PCDHGA7: variants seen among roughly 807,000 people sequenced by gnomAD.
PCDHGA7 encodes the protein protocadherin gamma-A7.
PCDHGA7 carries 44 observed loss-of-function variants against 58.3 expected under a neutral mutation model. The ratio of observed to expected loss-of-function variants is 0.75; its 90% CI spans 0.59 to 0.97. The LOEUF (loss-of-function observed/expected upper bound fraction) is 0.97, where lower values mean the gene tolerates loss of function less well. PCDHGA7 is among the 50% of genes least tolerant of loss of function. The pLI is 0.00. For synonymous variants in PCDHGA7, 516 were observed against 504.2 expected (o/e 1.02, Z -0.31); for missense variants, 1,266 against 1,188.7 (o/e 1.06, Z -0.96).
intron 1 of PCDHGA7, chr5:141,392,651 C>G (rs1228467133): frequency 1.4e-6 from 1 of 708,830 alleles, no homozygotes; most frequent in Non-Finnish European, 2.2e-6. Flanking sequence ...CGAAGACCCG[C>G]AGATGCCACA....
intron 1 of PCDHGA7, among the ~76,000 whole-genome samples, chr5:141,467,372 T>C (rs1006663543): frequency 2.0e-5 from 3 of 152,072 alleles, no homozygotes; most frequent in African/African-American, 7.2e-5. Flanking sequence ...TTTTCTTATA[T>C]TGCATTTAGG....
intron 1 of PCDHGA7, among the ~76,000 whole-genome samples, chr5:141,463,135 C>T (rs1352400365): frequency 6.6e-6 from 1 of 152,246 alleles, no homozygotes; most frequent in Middle Eastern, 3.4e-3. Context: ...GGCAGTTCTT[C>T]GCCCAGCTGC....
In PCDHGA7 at chr5:141,408,872, G is replaced by T. The variant is rs752537671; in HGVS notation, c.2424+23549G>T. 3.1e-6 allele frequency: 5 copies of T among 1,613,448 alleles called. No individual in the cohort carries two copies. The highest frequency in any genetic ancestry group is 4.2e-6 in the Non-Finnish European group (5 of 1,179,760). Reference sequence around the variant, plus strand: ...GGACGGAGGGGACCCACCAAGAAGTGCCACCGCTCACATAGAAATTTCTGT... The same window carrying T: ...GGACGGAGGGGACCCACCAAGAAGTTCCACCGCTCACATAGAAATTTCTGT... On this transcript the variant is annotated intron_variant, in intron 1 of 3. Transcript: ENST00000518325.
At chr5:141,433,123 C>A in intron 1 of PCDHGA7, 1 of 1,614,116 alleles carries the variant, frequency 6.2e-7, no homozygotes, top group Non-Finnish European at 8.5e-7. Context: ...TTGAAAAAAG[C>A]GAGCCCCTTT....
intron 1 of PCDHGA7, chr5:141,394,938 G>C: frequency 6.2e-7 from 1 of 1,613,780 alleles, no homozygotes; most frequent in Admixed American, 1.7e-5. Context: ...CGCCTTTGTC[G>C]CTGTGCTTCT....
chr5:141,384,265 T>G lies in PCDHGA7; in HGVS notation c.1366T>G (p.Ser456Ala). 1 of 1,613,814 alleles carries G rather than the reference T, an allele frequency of 6.2e-7. No homozygotes were observed. Among genetic ancestry groups the G allele is most frequent in the Non-Finnish European group, 8.5e-7 (1 of 1,179,858 alleles). The change falls in exon 1 of 4, where the codon TCC becomes GCC. Residue 456 changes from serine to alanine, a missense_variant. Transcript: ENST00000518325. ...NDNPPTFPHS[S>A]YSVYIAENNP... ...TAACCCACCCACCTTCCCCCACTCATCCTACTCAGTCTACATCGCTGAGAA... is the reference window on the plus strand; with the variant it reads ...TAACCCACCCACCTTCCCCCACTCAGCCTACTCAGTCTACATCGCTGAGAA...
In PCDHGA7 at chr5:141,511,036, G is replaced by T; in HGVS notation, c.2662G>T (p.Val888Leu). The T allele has an allele frequency of 1.2e-6, 2 of 1,614,200 alleles. No homozygotes were observed. The highest frequency in any genetic ancestry group is 1.7e-6 in the Non-Finnish European group (2 of 1,180,024). Residue 888 changes from valine to leucine, a missense_variant, in exon 4 of 4, where the codon GTG (valine) becomes TTG (leucine). Transcript: ENST00000518325. ...RYGPQFTLQHVPDYRQNVYIP... is the reference protein window; with the variant it reads ...RYGPQFTLQHLPDYRQNVYIP... Reference sequence around the variant, plus strand: ...CGGACCCCAGTTCACCCTGCAGCACGTGCCCGACTACCGCCAGAATGTCTA... The same window carrying T: ...CGGACCCCAGTTCACCCTGCAGCACTTGCCCGACTACCGCCAGAATGTCTA...
At chr5:141,415,640 T>C in intron 1 of PCDHGA7, 1 of 1,594,726 alleles carries the variant, frequency 6.3e-7, no homozygotes, top group Non-Finnish European at 8.5e-7. Context: ...TTTACTTTTG[T>C]TAAAAAAAAA....
At chr5:141,427,845 G>C in intron 1 of PCDHGA7, 1 of 1,550,582 alleles carries the variant, frequency 6.4e-7, no homozygotes, top group Non-Finnish European at 8.8e-7. Context: ...CTTCGACCAC[G>C]AGCAGCTGTG....
chr5:141,442,779 A>G (rs1453800627), intron 1 of PCDHGA7, among the ~76,000 whole-genome samples: 1 of 152,160 alleles, frequency 6.6e-6, no homozygotes, highest in Non-Finnish European at 1.5e-5. Context: ...GTTTGATTAT[A>G]TTTTATAATT....
intron 1 of PCDHGA7, chr5:141,408,869 A>G (rs754873472): frequency 1.9e-6 from 3 of 1,613,572 alleles, no homozygotes; most frequent in African/African-American, 2.7e-5. Flanking sequence ...CCCACCAAGA[A>G]GTGCCACCGC....
At position 141,490,221 on chromosome 5, in the gene PCDHGA7, G is replaced by A; in HGVS notation, c.2425-4586G>A. 6.2e-7 allele frequency: 1 copy of A among 1,614,236 alleles called. No individual in the cohort carries two copies. The highest frequency in any genetic ancestry group is 1.1e-5 in the South Asian group (1 of 91,084). ...ATGCAAGAGCCCGTGACCAGGGACAGCCTGCCATGGAGGGCCACTGTGTGA... is the reference window on the plus strand; with the variant it reads ...ATGCAAGAGCCCGTGACCAGGGACAACCTGCCATGGAGGGCCACTGTGTGA... On this transcript the variant is annotated intron_variant, in intron 1 of 3. Transcript: ENST00000518325. The surrounding 1 kb of genome is among the most constrained non-coding windows in gnomAD (Gnocchi z 5.4).
intron 1 of PCDHGA7, chr5:141,418,374 T>C: frequency 1.2e-6 from 2 of 1,613,968 alleles, no homozygotes; most frequent in Non-Finnish European, 1.7e-6. Flanking sequence ...AAATACCAAC[T>C]AAGTCCTAAC....
At chr5:141,467,060 T>C (rs1304506319) in intron 1 of PCDHGA7, among the ~76,000 whole-genome samples, 1 of 151,520 alleles carries the variant, frequency 6.6e-6, no homozygotes, top group Non-Finnish European at 1.5e-5. Context: ...GTTTTCTTTT[T>C]TTTTTTTTTT....
Position 141,383,972 on chromosome 5 carries a change from A to C in PCDHGA7, c.1073A>C (p.Glu358Ala). Residue 358 changes from glutamate (E) to alanine (A), a missense_variant, in exon 1 of 4, where the codon GAA (glutamate) becomes GCA (alanine). By Grantham distance (107) the Glu-to-Ala change is moderately radical (BLOSUM62 -1). Transcript: ENST00000518325. ...TMTSLSSSIP[E>A]DTPLGTVIAL... ...ACGTCTTTAAGTAGCTCAATCCCTG[A>C]AGACACACCTCTTGGGACAGTCATT... 6.2e-7 allele frequency: 1 copy of C among 1,613,800 alleles called. No homozygotes were observed. Among genetic ancestry groups the C allele is most frequent in the Non-Finnish European group, 8.5e-7 (1 of 1,179,740 alleles).
In PCDHGA7 at chr5:141,383,235, T is replaced by C. The variant is rs1205858909; in HGVS notation, c.336T>C (p.Asp112=). Residue 112 remains aspartate (D), a synonymous_variant, in exon 1 of 4, where the codon GAT becomes GAC. Transcript: ENST00000518325. ...CLVNFNILME[D]KMNLYPIDVE... ...TAAACTTTAACATCCTGATGGAAGA[T>C]AAAATGAATCTTTACCCTATAGACG... 2 of 1,613,838 alleles carry C rather than the reference T, an allele frequency of 1.2e-6. No individual in the cohort carries two copies. The highest frequency in any genetic ancestry group is 3.3e-5 in the Admixed American group (2 of 60,018).
Position 141,383,639 on chromosome 5 carries a change from A to G in PCDHGA7, c.740A>G (p.Tyr247Cys). The G allele has an allele frequency of 1.9e-6, 3 of 1,613,964 alleles. No homozygotes were observed. Among genetic ancestry groups the G allele is most frequent in the Non-Finnish European group, 2.5e-6 (3 of 1,179,900 alleles). The change falls in exon 1 of 4, where the codon TAC becomes TGC. Residue 247 changes from tyrosine to cysteine, a missense_variant. Transcript: ENST00000518325. Reference sequence around the variant, plus strand: ...ACGCCTGTCTTCTCTCTGCCTCAGTACCAAGTAACTGTCCCCGAGAATGTG... The same window carrying G: ...ACGCCTGTCTTCTCTCTGCCTCAGTGCCAAGTAACTGTCCCCGAGAATGTG... ...DHTPVFSLPQ[Y>C]QVTVPENVPV...
intron 1 of PCDHGA7, chr5:141,427,916 G>T: frequency 1.3e-6 from 2 of 1,578,854 alleles, no homozygotes; most frequent in East Asian, 2.2e-5. Flanking sequence ...GCGCCAACAT[G>T]AGCCGGCGCA....
Position 141,465,218 on chromosome 5 carries a change from A to G in PCDHGA7, c.2425-29589A>G, listed in dbSNP as rs151158068. ...ATAAAAATATAAGCTTTATTTTTCA[A>G]CATGAGCTCCATCAAGTTCAAGGCA... On this transcript the variant is annotated intron_variant, in intron 1 of 3. Coordinates refer to ENST00000518325, the MANE Select transcript of PCDHGA7 (RefSeq NM_018920.4). Among the ~76,000 whole-genome samples, 591 of 152,288 alleles carry G rather than the reference A, an allele frequency of 3.9e-3. 6 individuals carry two copies. The highest frequency in any genetic ancestry group is 0.011 in the Admixed American group (171 of 15,290).
Sources: gnomAD v4.1 joint callset for allele counts (sites outside exome capture counted in the v4.1 genomes callset) on GRCh38, gnomAD v4.1.1 for gene constraint, Gnocchi (gnomAD v3.1) non-coding constraint, MANE v1.5 for transcripts, NCBI Gene and HGNC (gene_info 2026-07-23, HGNC 2026-07-21) for gene names.